SH3PXD2A: variants seen among roughly 807,000 people sequenced by gnomAD.
SH3PXD2A encodes SH3 and PX domain-containing protein 2A.
Under a neutral mutation model 115.2 loss-of-function variants are expected in SH3PXD2A, and 32 were observed. The ratio of observed to expected loss-of-function variants is 0.28; its 90% CI spans 0.21 to 0.37. The LOEUF is 0.37. Ranked by LOEUF, SH3PXD2A falls within the 10% of genes least tolerant of loss-of-function variation. SH3PXD2A has a pLI of 1.00. For synonymous variants in SH3PXD2A, 610 were observed against 629.1 expected (o/e 0.97, Z 0.45); for missense variants, 1,328 against 1,498.7 (o/e 0.89, Z 1.88).
At chr10:103,735,430 C>G (rs2038368469) in intron 4 of SH3PXD2A, among the ~76,000 whole-genome samples, 1 of 152,210 alleles carries the variant, frequency 6.6e-6, no homozygotes, top group South Asian at 2.1e-4. Context: ...GAAGGAGGCT[C>G]TTTGACTTAG....
chr10:103,688,617 G>T (rs1375919712), intron 6 of SH3PXD2A, among the ~76,000 whole-genome samples: 1 of 152,202 alleles, frequency 6.6e-6, no homozygotes, highest in Admixed American at 6.5e-5. Context: ...CAAGTACAAA[G>T]GCCACGTAGA....
chr10:103,754,883 C>T (rs1462852150), intron 3 of SH3PXD2A: 1 of 152,150 alleles, frequency 6.6e-6, no homozygotes, highest in African/African-American at 2.4e-5. Flanking sequence ...TGTGAATGAA[C>T]TGAACGTAAC....
Position 103,597,392 on chromosome 10 carries a change from A to G in SH3PXD2A, c.*4424T>C, listed in dbSNP as rs2036151625. On this transcript the variant is annotated 3_prime_UTR_variant, in exon 15 of 15. Coordinates refer to ENST00000369774, the MANE Select transcript of SH3PXD2A (RefSeq NM_001394015.1). ...GCCCAAATATCAGGACACTGGGGTG[A>G]GAGAGGGCTGCTGGGAGTCATTTTT... 6.6e-6 allele frequency: 1 copy of G among 152,258 alleles called. No homozygotes were observed. Among genetic ancestry groups the G allele is most frequent in the South Asian group, 2.1e-4 (1 of 4,832 alleles). 9.4% of individuals were successfully genotyped at this position (152,258 alleles called of 1,614,324 possible). A position where few individuals can be genotyped will look rare whatever the true frequency, so the allele number is the denominator to read the frequency against.
chr10:103,762,461 G>A (rs375067537), intron 3 of SH3PXD2A, among the ~76,000 whole-genome samples: 3 of 152,182 alleles, frequency 2.0e-5, no homozygotes, highest in Non-Finnish European at 2.9e-5. Context: ...CACATAATAC[G>A]GGGTTTGGAG....
chr10:103,594,574 G>C lies in SH3PXD2A; in HGVS notation c.*7242C>G, dbSNP rs986552032. 6.6e-6 allele frequency: 1 copy of C among 152,220 alleles called. No individual in the cohort carries two copies. The highest frequency in any genetic ancestry group is 1.5e-5 in the Non-Finnish European group (1 of 68,036). 9.4% of individuals were successfully genotyped at this position (152,220 alleles called of 1,614,324 possible). A position where few individuals can be genotyped will look rare whatever the true frequency, so the allele number is the denominator to read the frequency against. On this transcript the variant is annotated 3_prime_UTR_variant, in exon 15 of 15. Coordinates refer to ENST00000369774, the MANE Select transcript of SH3PXD2A (RefSeq NM_001394015.1). ...GGATTACTGAAGTCTGCCTTGCCCG[G>C]GAGTCACTTCCTGCAGACCTCTGAG...
chr10:103,730,813 A>G (rs1382488040), intron 4 of SH3PXD2A, among the ~76,000 whole-genome samples: 1 of 152,128 alleles, frequency 6.6e-6, no homozygotes, highest in Admixed American at 6.5e-5. Context: ...ACAGACACAC[A>G]GAAGTTACCC....
intron 1 of SH3PXD2A, among the ~76,000 whole-genome samples, chr10:103,849,474 G>A (rs928426377): frequency 1.3e-5 from 2 of 152,146 alleles, no homozygotes; most frequent in Non-Finnish European, 2.9e-5. Flanking sequence ...ACTCTGACCG[G>A]CACCATGCAC....
intron 2 of SH3PXD2A, among the ~76,000 whole-genome samples, chr10:103,779,838 C>G (rs1377340907): frequency 6.6e-6 from 1 of 152,156 alleles, no homozygotes; most frequent in Non-Finnish European, 1.5e-5. Context: ...CCTAGCCTTG[C>G]CAGAGACCAC....
chr10:103,841,674 C>G (rs2039599594), intron 1 of SH3PXD2A, among the ~76,000 whole-genome samples: 1 of 152,170 alleles, frequency 6.6e-6, no homozygotes, highest in African/African-American at 2.4e-5. Flanking sequence ...TCACTCCACT[C>G]AGGCCACACC....
At chr10:103,608,150 T>TAAAAAAAAAAAAAAAAAGTTAAAA (rs768102863) in intron 13 of SH3PXD2A, among the ~76,000 whole-genome samples, 1 of 32,660 alleles carries the variant, frequency 3.1e-5, no homozygotes, top group African/African-American at 2.4e-4. Flanking sequence ...ATGATCAATT[T>TAAAAAAAAAAAAAAAAAGTTAAAA]AAAAAAAAAA....
intron 1 of SH3PXD2A, among the ~76,000 whole-genome samples, chr10:103,810,724 G>C (rs1329710865): frequency 6.6e-6 from 1 of 152,154 alleles, no homozygotes; most frequent in African/African-American, 2.4e-5. Context: ...CACTCAGGAA[G>C]TGAACTGACT....
chr10:103,596,663 A>ACACACTCTCTCTCTCTCTCT lies in SH3PXD2A; in HGVS notation c.*5152_*5153insAGAGAGAGAGAGAGAGTGTG. The ACACACTCTCTCTCTCTCTCT allele has an allele frequency of 5.6e-3, 700 of 124,468 alleles. 7 individuals carry two copies. Among genetic ancestry groups the ACACACTCTCTCTCTCTCTCT allele is most frequent in the African/African-American group, 0.02 (643 of 31,712 alleles). The allele number at this position is 124,468 out of a possible 1,614,324, so 7.7% of individuals were successfully genotyped here. A position where few individuals can be genotyped will look rare whatever the true frequency, so the allele number is the denominator to read the frequency against. On this transcript the variant is annotated 3_prime_UTR_variant, in exon 15 of 15. Transcript: ENST00000369774. ...CACACACACACACACACACACACACACTCTCTCTCTCTCTCTCTCTCTCAC... is the reference window on the plus strand; with the variant it reads ...CACACACACACACACACACACACACACACACTCTCTCTCTCTCTCTCTCTCTCTCTCTCTCTCTCTCTCAC...
chr10:103,613,468 A>C (rs915061762), intron 11 of SH3PXD2A, among the ~76,000 whole-genome samples: 1 of 152,144 alleles, frequency 6.6e-6, no homozygotes, highest in Non-Finnish European at 1.5e-5. Context: ...CAAATGTGGG[A>C]GCTTGGGATC....
At chr10:103,605,088 A>G (rs2036280065) in intron 14 of SH3PXD2A, among the ~76,000 whole-genome samples, 1 of 152,196 alleles carries the variant, frequency 6.6e-6, no homozygotes, top group Non-Finnish European at 1.5e-5. Context: ...CACAAAATAG[A>G]GTGGCATGAA....
chr10:103,717,009 G>T (rs893431045), intron 5 of SH3PXD2A, among the ~76,000 whole-genome samples: 1 of 152,220 alleles, frequency 6.6e-6, no homozygotes, highest in Non-Finnish European at 1.5e-5. Context: ...ACCGTGCCAG[G>T]TTTGTTTGGC....
chr10:103,644,121 A>ACC (rs2036997841), intron 8 of SH3PXD2A, among the ~76,000 whole-genome samples: 1 of 149,648 alleles, frequency 6.7e-6, no homozygotes, highest in African/African-American at 2.4e-5. Context: ...TCCCAAAAAA[A>ACC]AAAAAAAAAA....
Position 103,605,659 on chromosome 10 carries a change from A to T in SH3PXD2A, c.1428+139T>A, listed in dbSNP as rs956170537. The T allele has an allele frequency of 9.4e-6, 10 of 1,059,602 alleles. No homozygotes were observed. In the African/African-American group the frequency reaches 1.3e-4, roughly 13 times the overall value. The allele number at this position is 1,059,602 out of a possible 1,614,324, so 65.6% of individuals were successfully genotyped here. On this transcript the variant is annotated intron_variant, in intron 14 of 14. Transcript: ENST00000369774. ...ACTGGCCAGCGCCAGGCAGATGCTC[A>T]TCTTTGTGGGGCTCATTTCTGTACC...
At chr10:103,737,938 G>A in intron 3 of SH3PXD2A, among the ~76,000 whole-genome samples, 1 of 152,202 alleles carries the variant, frequency 6.6e-6, no homozygotes, top group Middle Eastern at 3.2e-3. Flanking sequence ...GCTTCCCGTG[G>A]ATATCTCTCA....
intron 1 of SH3PXD2A, among the ~76,000 whole-genome samples, chr10:103,849,113 C>T (rs1461120626): frequency 6.6e-6 from 1 of 152,118 alleles, no homozygotes; most frequent in East Asian, 1.9e-4. Context: ...CACAGCCTCC[C>T]AGGTGCACCC....
Sources: gnomAD v4.1 joint callset for allele counts (sites outside exome capture counted in the v4.1 genomes callset) on GRCh38, gnomAD v4.1.1 for gene constraint, MANE v1.5 for transcripts, NCBI Gene and HGNC (gene_info 2026-07-23, HGNC 2026-07-21) for gene names.